Variants in INTS1 observed in about 807,000 individuals in gnomAD.
The protein encoded by INTS1 is integrator complex subunit 1.
A neutral mutation model predicts 241.6 loss-of-function variants in INTS1; 137 were observed. The ratio of observed to expected loss-of-function variants is 0.57; its 90% confidence interval spans 0.49 to 0.65. The LOEUF is 0.65. Among genes scored for constraint, INTS1 ranks in the 30% least tolerant of loss-of-function variants. The pLI, the probability that INTS1 is intolerant of heterozygous loss-of-function variation, is 0.00. For missense variants in INTS1, 3,073 were observed against 3,032.2 expected (o/e 1.01, Z -0.32); for synonymous variants, 1,692 against 1,337.8 (o/e 1.26, Z -5.78).
Position 1,471,468 on chromosome 7 carries a change from C to T in INTS1, c.6255+103G>A. The stretch of plus-strand genomic sequence containing the variant: ...ACCCGAAGCCCAGCCTCAGAGGACT[C>T]CCTGGGGCTCAGCGCGGGCACGCCA... On this transcript the variant is annotated intron_variant, in intron 45 of 47. Transcript: ENST00000404767. The T allele has an allele frequency of 4.6e-6, 6 of 1,314,862 alleles. No individual in the cohort carries two copies. The South Asian group carries it at 6.1e-5, about 13-fold the overall frequency. The allele number at this position is 1,314,862 out of a possible 1,614,324, so 81.4% of individuals were successfully genotyped here.
intron 35 of INTS1, 103 bp downstream of exon 35, chr7:1,477,447 G>A: frequency 3.0e-6 from 4 of 1,353,308 alleles, no homozygotes; most frequent in South Asian, 1.5e-5. Flanking sequence ...GGGGGGTGCT[G>A]GGGCCCCTGC....
intron 19 of INTS1, 57 bp downstream of exon 19, chr7:1,487,703 C>A: frequency 6.3e-7 from 1 of 1,587,432 alleles, no homozygotes; most frequent in South Asian, 1.1e-5. Context: ...CCCACCCACA[C>A]CAACCACCCA....
At position 1,503,127 on chromosome 7, in the gene INTS1, C is replaced by A. The variant is rs760701040; in HGVS notation, c.123G>T (p.Thr41=). Residue 41 remains threonine, a synonymous_variant, in exon 3 of 48, where the codon ACG becomes ACT. Coordinates refer to ENST00000404767, the MANE Select transcript of INTS1 (RefSeq NM_001080453.3). ...GSKGQANESK[T]ASTLLKPAPS... Reference sequence around the variant, plus strand: ...GGGCTGGCTTCAGCAGGGTGGACGCCGTTTTCGATTCATTGGCCTGACCCT... The same window carrying A: ...GGGCTGGCTTCAGCAGGGTGGACGCAGTTTTCGATTCATTGGCCTGACCCT... 6.3e-7 allele frequency: 1 copy of A among 1,595,616 alleles called. No individual in the cohort carries two copies. The highest frequency in any genetic ancestry group is 1.7e-5 in the Admixed American group (1 of 58,188).
chr7:1,479,375 G>A (rs56975547), intron 31 of INTS1, 55 bp downstream of exon 31: 667,199 of 1,524,754 alleles, frequency 0.44, 150,819 homozygotes, highest in East Asian at 0.73. Flanking sequence ...GCCGTCCTGC[G>A]GGAGGCAGAG....
Position 1,498,474 on chromosome 7 carries a change from T to C in INTS1, c.1363A>G (p.Asn455Asp), listed in dbSNP as rs1782970203. The C allele has an allele frequency of 6.2e-7, 1 of 1,613,958 alleles. No homozygotes were observed. Among genetic ancestry groups the C allele is most frequent in the Non-Finnish European group, 8.5e-7 (1 of 1,179,892 alleles). ...TAGAGGACCTGCATGTTGTTCGGGT[T>C]CCGGGCGCTGGAGAGCTCATTGAAG... ...VIFNELSSARNPNNMQVLYTA... is the reference protein window; with the variant it reads ...VIFNELSSARDPNNMQVLYTA... The change falls in exon 10 of 48, where the codon AAC becomes GAC. Residue 455 changes from asparagine to aspartate, a missense_variant. Asn to Asp is a conservative substitution (Grantham distance 23). Coordinates refer to ENST00000404767, the MANE Select transcript of INTS1 (RefSeq NM_001080453.3).
intron 28 of INTS1, 38 bp from the exon 29 acceptor site, chr7:1,480,971 G>A (rs1308820114): frequency 2.0e-6 from 3 of 1,486,094 alleles, no homozygotes; most frequent in Non-Finnish European, 2.8e-6. Context: ...GGCGCGGCCA[G>A]GGGCCAGGGA....
Position 1,476,762 on chromosome 7 carries a change from G to A in INTS1, c.5063+32C>T, listed in dbSNP as rs377648166. 1.4e-4 allele frequency: 233 copies of A among 1,612,490 alleles called. No individual in the cohort carries two copies. In the African/African-American group the frequency reaches 2.2e-3, roughly 15 times the overall value. Reference sequence around the variant, plus strand: ...ATTTCTGGTGAAGGCCAGTATGCGCGCAGCCCAGGTTGGGGACAGGGAGGC... The same window carrying A: ...ATTTCTGGTGAAGGCCAGTATGCGCACAGCCCAGGTTGGGGACAGGGAGGC... On this transcript the variant is annotated intron_variant, in intron 36 of 47. Transcript: ENST00000404767.
In INTS1 at chr7:1,476,556, C is replaced by T. The variant is rs1562488405; in HGVS notation, c.5151+14G>A. On this transcript the variant is annotated intron_variant, in intron 37 of 47. Transcript: ENST00000404767. ...CACCCCCTCTCCCGGATGGGCCACC[C>T]TCCCAAGACCTGCCTGCGGGGTGCG... 3 of 1,612,326 alleles carry T rather than the reference C, an allele frequency of 1.9e-6. No individual in the cohort carries two copies. The highest frequency in any genetic ancestry group is 1.7e-5 in the Admixed American group (1 of 60,012).
rs1386067886 is a variant in INTS1 at position 1,479,797 on chromosome 7, C to T, written c.4075-113G>A. ...TGCCAGAACCGCGTCCCATCGTGTC[C>T]CTGTTCATTCGTAGCCCCCACCTTG... On this transcript the variant is annotated intron_variant, in intron 30 of 47. Transcript: ENST00000404767. The T allele has an allele frequency of 2.5e-6, 3 of 1,183,404 alleles. No individual in the cohort carries two copies. The East Asian group carries it at 8.2e-5, about 33-fold the overall frequency. 73.3% of individuals were successfully genotyped at this position (1,183,404 alleles called of 1,614,324 possible).
rs528708679 is a variant in INTS1 at position 1,499,959 on chromosome 7, C to T, written c.609G>A (p.Leu203=). The part of the protein sequence containing the change: ...SINFKAKGNS[L]VSVLACNLLM... Reference sequence around the variant, plus strand: ...GGAGGTTACAGGCCAGCACAGACACCAGGCTGTTCCCCTTGGCCTTGAAGT... The same window carrying T: ...GGAGGTTACAGGCCAGCACAGACACTAGGCTGTTCCCCTTGGCCTTGAAGT... Residue 203 remains leucine (L), a synonymous_variant, in exon 5 of 48, where the codon CTG becomes CTA. Transcript: ENST00000404767. 1.2e-6 allele frequency: 2 copies of T among 1,613,714 alleles called. No homozygotes were observed. Among genetic ancestry groups the T allele is most frequent in the South Asian group, 1.1e-5 (1 of 91,088 alleles).
intron 13 of INTS1, 30 bp from the exon 14 acceptor site, chr7:1,494,923 TG>T: frequency 6.5e-7 from 1 of 1,549,566 alleles, no homozygotes; most frequent in Admixed American, 2.0e-5. Context: ...CCCTCAGTCA[TG>T]ATGTGGGTGC....
intron 3 of INTS1, chr7:1,500,946 C>T (rs1357545627): frequency 6.6e-6 from 1 of 152,380 alleles, no homozygotes; most frequent in Non-Finnish European, 1.5e-5. Context: ...CATTTTCATT[C>T]TGATTCTTCT....
At position 1,476,787 on chromosome 7, in the gene INTS1, CG is replaced by C; in HGVS notation, c.5063+6del. 1 of 1,612,590 alleles carries C rather than the reference CG, an allele frequency of 6.2e-7. No homozygotes were observed. Among genetic ancestry groups the C allele is most frequent in the Non-Finnish European group, 8.5e-7 (1 of 1,179,836 alleles). On this transcript the variant is annotated splice_donor_region_variant and intron_variant, in intron 36 of 47. Coordinates refer to ENST00000404767, the MANE Select transcript of INTS1 (RefSeq NM_001080453.3). Reference sequence around the variant, plus strand: ...GCAGCCCAGGTTGGGGACAGGGAGGCGCCCACCTCTGTTCCCGGCTCTTGCC... The same window carrying C: ...GCAGCCCAGGTTGGGGACAGGGAGGCCCCACCTCTGTTCCCGGCTCTTGCC...
rs1290621673 is a variant in INTS1, at chr7:1,478,721, C to T, written c.4489+5G>A. 2.6e-6 allele frequency: 4 copies of T among 1,565,886 alleles called. No homozygotes were observed. Among genetic ancestry groups the T allele is most frequent in the East Asian group, 2.4e-5 (1 of 42,428 alleles). The stretch of plus-strand genomic sequence containing the variant: ...AGCCGTCTGCCAGCCCGGCGCGGTC[C>T]TCACCATCACTGAGCCTGCGCCCGG... On this transcript the variant is annotated splice_donor_5th_base_variant and intron_variant, in intron 32 of 47. Transcript: ENST00000404767.
At chr7:1,496,364 C>T in intron 11 of INTS1, 100 bp from the exon 12 acceptor site, 1 of 478,102 alleles carries the variant, frequency 2.1e-6, no homozygotes, top group African/African-American at 2.5e-5. Context: ...AGAAGGGACA[C>T]CCGGGAGCCC....
Position 1,503,981 on chromosome 7 carries a change from T to C in INTS1, c.-21A>G, listed in dbSNP as rs1045206457. Reference sequence around the variant, plus strand: ...TTCATCCTGCCCCGTCCCTCGCGGCTCCCGGCGGCTGCGGCGTCACCTGCG... The same window carrying C: ...TTCATCCTGCCCCGTCCCTCGCGGCCCCCGGCGGCTGCGGCGTCACCTGCG... On this transcript the variant is annotated 5_prime_UTR_variant, in exon 2 of 48. Coordinates refer to ENST00000404767, the MANE Select transcript of INTS1 (RefSeq NM_001080453.3). 12 of 1,538,794 alleles carry C rather than the reference T, an allele frequency of 7.8e-6. No homozygotes were observed. The highest frequency in any genetic ancestry group is 1.1e-5 in the Non-Finnish European group (12 of 1,142,200).
chr7:1,497,051 G>C lies in INTS1; in HGVS notation c.1602+87C>G. ...CTCAGCCAGAGCATCCGAAGGGGTG[G>C]AGTGTGCATGGGACCCAGGACGAGG... On this transcript the variant is annotated intron_variant, in intron 11 of 47. Coordinates refer to ENST00000404767, the MANE Select transcript of INTS1 (RefSeq NM_001080453.3). This position sits in a 1 kb window ranked among gnomAD's most constrained non-coding sequence, Gnocchi z 5.3. The C allele has an allele frequency of 1.5e-6, 2 of 1,319,746 alleles. No homozygotes were observed. Among genetic ancestry groups the C allele is most frequent in the Non-Finnish European group, 2.0e-6 (2 of 979,728 alleles). The allele number at this position is 1,319,746 out of a possible 1,614,324, so 81.8% of individuals were successfully genotyped here.
Position 1,489,613 on chromosome 7 carries a change from G to C in INTS1, c.2235C>G (p.Ala745=), listed in dbSNP as rs368809979. ...CACCGATGTTCTCTGGGTTGAATGC[G>C]GCGACGACCAGCAGGAGGGGCCAGG... ...WKAWPLLLVV[A]AFNPENIGLA... is the part of the protein sequence containing the mutation. Residue 745 remains alanine (A), a synonymous_variant, in exon 17 of 48, where the codon GCC becomes GCG. Coordinates refer to ENST00000404767, the MANE Select transcript of INTS1 (RefSeq NM_001080453.3). The C allele has an allele frequency of 6.3e-7, 1 of 1,588,706 alleles. No individual in the cohort carries two copies. The highest frequency in any genetic ancestry group is 8.6e-7 in the Non-Finnish European group (1 of 1,166,278).
intron 39 of INTS1, 145 bp from the exon 40 acceptor site, chr7:1,474,983 A>T: frequency 9.1e-7 from 1 of 1,096,350 alleles, no homozygotes; most frequent in East Asian, 2.7e-5. Context: ...TTCCATGAGC[A>T]CCTCGGGAGG....
Sources: allele counts gnomAD v4.1 joint callset, GRCh38; gene constraint gnomAD v4.1.1; non-coding constraint Gnocchi (gnomAD v3.1); transcripts MANE v1.5; gene names NCBI Gene and HGNC (gene_info 2026-07-23, HGNC 2026-07-21).